Variants in TRAPPC3L observed in about 807,000 individuals in gnomAD.
TRAPPC3L encodes trafficking protein particle complex subunit 3-like protein.
In TRAPPC3L, 23 loss-of-function variants were observed where a neutral mutation model predicts 23.7. That is an observed-to-expected ratio of 0.97 (90% confidence interval 0.70 to 1.37). TRAPPC3L has a LOEUF of 1.37. Among genes scored for constraint, TRAPPC3L ranks in the 40% most tolerant of loss-of-function variants. The pLI is 0.00. For missense variants in TRAPPC3L, 212 were observed against 216.8 expected (o/e 0.98, Z 0.14); for synonymous variants, 81 against 77.9 (o/e 1.04, Z -0.21).
At position 116,512,348 on chromosome 6, in the gene TRAPPC3L, G is replaced by A. The variant is rs537450098; in HGVS notation, c.241-11682C>T. 3.9e-5 allele frequency: 48 copies of A among 1,221,500 alleles called. 1 individual carries two copies. The South Asian group carries it at 7.4e-4, about 19-fold the overall frequency. The allele number at this position is 1,221,500 out of a possible 1,614,324, so 75.7% of individuals were successfully genotyped here. A position where few individuals can be genotyped will look rare whatever the true frequency, so the allele number is the denominator to read the frequency against. ...CTGTCAGAATATTTTGAAACTAAAT[G>A]GAAACTGAAACATGATGCAGCATTG... On this transcript the variant is annotated intron_variant, in intron 3 of 4. Transcript: ENST00000368602.
intron 3 of TRAPPC3L, among the ~76,000 whole-genome samples, chr6:116,539,832 C>T (rs190882935): frequency 2.0e-5 from 3 of 152,224 alleles, no homozygotes; most frequent in South Asian, 2.1e-4. Flanking sequence ...ATGCATTTTC[C>T]GGTTTAATTT....
At chr6:116,500,012 C>A (rs1231294181) in intron 4 of TRAPPC3L, among the ~76,000 whole-genome samples, 1 of 152,226 alleles carries the variant, frequency 6.6e-6, no homozygotes, top group Non-Finnish European at 1.5e-5. Context: ...GTTATTCACA[C>A]CCTCAGGTAG....
chr6:116,504,517 C>A (rs1430817814), intron 3 of TRAPPC3L, among the ~76,000 whole-genome samples: 1 of 152,216 alleles, frequency 6.6e-6, no homozygotes, highest in Non-Finnish European at 1.5e-5. Flanking sequence ...AGGGAATCCT[C>A]CCTAACTCAT....
intron 3 of TRAPPC3L, among the ~76,000 whole-genome samples, chr6:116,529,714 G>A (rs1220001470): frequency 6.6e-6 from 1 of 152,198 alleles, no homozygotes; most frequent in Non-Finnish European, 1.5e-5. Flanking sequence ...GCATGAATGA[G>A]TCACTTTTTG....
At chr6:116,543,816 G>C in intron 1 of TRAPPC3L, 1 of 1,534,028 alleles carries the variant, frequency 6.5e-7, no homozygotes, top group African/African-American at 1.4e-5. Flanking sequence ...AATCCCTAAT[G>C]GCCCCCAGAT....
At chr6:116,536,695 T>G (rs1387317261) in intron 3 of TRAPPC3L, among the ~76,000 whole-genome samples, 3 of 152,162 alleles carry the variant, frequency 2.0e-5, no homozygotes, top group Admixed American at 6.5e-5. Context: ...GCTCAGTACT[T>G]GAGACGGATG....
At chr6:116,516,835 C>T (rs1005788908) in intron 3 of TRAPPC3L, 21 of 151,714 alleles carry the variant, frequency 1.4e-4, no homozygotes, top group African/African-American at 4.8e-4. Flanking sequence ...TTTTAGTGGG[C>T]CCTTACAAGT....
rs1583295085 is a variant in TRAPPC3L at position 116,540,410 on chromosome 6, C to A, written c.193G>T (p.Val65Leu). 2 of 1,551,320 alleles carry A rather than the reference C, an allele frequency of 1.3e-6. No homozygotes were observed. The highest frequency in any genetic ancestry group is 1.2e-5 in the South Asian group (1 of 84,054). Residue 65 changes from valine (V) to leucine (L), a missense_variant, in exon 3 of 5, where the codon GTG (valine) becomes TTG (leucine). Coordinates refer to ENST00000368602, the MANE Select transcript of TRAPPC3L (RefSeq NM_001139444.3). ...TCTGAATAACTATGGCATCTTCCCA[C>A]GCAGGATCGAGCCAAAAAGTCTTCC... Reference protein sequence around the residue: ...LVEDFLARSCVGRCHSYSEII... With the variant: ...LVEDFLARSCLGRCHSYSEII...
chr6:116,539,624 A>G (rs1356641630), intron 3 of TRAPPC3L, among the ~76,000 whole-genome samples: 1 of 152,186 alleles, frequency 6.6e-6, no homozygotes, highest in Non-Finnish European at 1.5e-5. Flanking sequence ...GCATGATGGT[A>G]TAGAATGACA....
intron 3 of TRAPPC3L, among the ~76,000 whole-genome samples, chr6:116,508,694 T>A (rs528239138): frequency 6.6e-6 from 1 of 152,204 alleles, no homozygotes; most frequent in South Asian, 2.1e-4. Flanking sequence ...TAAAATTTGA[T>A]CTCTAACACT....
chr6:116,520,820 C>T (rs1772318963), intron 3 of TRAPPC3L: 1 of 151,782 alleles, frequency 6.6e-6, no homozygotes, highest in Non-Finnish European at 1.5e-5. Context: ...AACTGGCTCT[C>T]CAGGAAAAAA....
chr6:116,515,743 T>G (rs919521747), intron 3 of TRAPPC3L: 1 of 1,613,896 alleles, frequency 6.2e-7, no homozygotes, highest in Admixed American at 1.7e-5. Context: ...AGTTGGAAAA[T>G]ACATTTCTGG....
At position 116,543,354 on chromosome 6, in the gene TRAPPC3L, AGCTGG is replaced by A; in HGVS notation, c.84_88del (p.Gln29ValfsTer2). 1 of 1,550,080 alleles carries A rather than the reference AGCTGG, an allele frequency of 6.5e-7. No individual in the cohort carries two copies. The highest frequency in any genetic ancestry group is 1.7e-4 in the Middle Eastern group (1 of 5,978). On this transcript the variant is annotated frameshift_variant, in exon 2 of 5. Transcript: ENST00000368602. LOFTEE classifies it high-confidence loss of function. ...TTCATCCTTCTCATAATCCTTACAC[AGCTGG>A]GCAACCAGAGCTCCATAGGTAAGGA...
chr6:116,542,311 T>C (rs1392216602), intron 2 of TRAPPC3L, among the ~76,000 whole-genome samples: 1 of 152,122 alleles, frequency 6.6e-6, no homozygotes, highest in South Asian at 2.1e-4. Flanking sequence ...AAAAAAGTCA[T>C]GTGTACAAAA....
chr6:116,517,190 T>C (rs1344333547), intron 3 of TRAPPC3L: 1 of 152,090 alleles, frequency 6.6e-6, no homozygotes, highest in East Asian at 1.9e-4. Context: ...TACTATCAGC[T>C]TGGGGGTTAA....
At chr6:116,499,466 A>G (rs1771880536) in intron 4 of TRAPPC3L, among the ~76,000 whole-genome samples, 1 of 152,184 alleles carries the variant, frequency 6.6e-6, no homozygotes, top group South Asian at 2.1e-4. Flanking sequence ...ACCTATATTG[A>G]TTTCTGTTGC....
chr6:116,528,992 T>C (rs1368954019), intron 3 of TRAPPC3L: 8 of 152,238 alleles, frequency 5.3e-5, no homozygotes, highest in Non-Finnish European at 8.8e-5. Flanking sequence ...TAGAAAAATG[T>C]TGAGAATGAG....
Position 116,545,539 on chromosome 6 carries a change from A to G in TRAPPC3L, c.-25T>C. 1 of 1,540,816 alleles carries G rather than the reference A, an allele frequency of 6.5e-7. No individual in the cohort carries two copies. On this transcript the variant is annotated 5_prime_UTR_variant, in exon 1 of 5. Transcript: ENST00000368602. ...TAGTGCTTGATAGATGAAGAATATG[A>G]TCTTCAATTTCTCTTCTTTTGCCTG...
chr6:116,512,409 G>C, intron 3 of TRAPPC3L: 1 of 724,184 alleles, frequency 1.4e-6, no homozygotes, highest in Non-Finnish European at 2.2e-6. Context: ...AAGGCTGGGT[G>C]GCTCAATAAA....
Sources: allele counts gnomAD v4.1 joint callset (sites outside exome capture counted in the v4.1 genomes callset), GRCh38; gene constraint gnomAD v4.1.1; transcripts MANE v1.5; gene names NCBI Gene and HGNC (gene_info 2026-07-23, HGNC 2026-07-21).